Variants in NXN observed in about 807,000 individuals in gnomAD.
The protein encoded by NXN is nucleoredoxin 1.
A neutral mutation model predicts 48.6 loss-of-function variants in NXN; 16 were observed. The observed-to-expected ratio is 0.33, with a 90% confidence interval of 0.22 to 0.50. The LOEUF (loss-of-function observed/expected upper bound fraction) is 0.50. NXN is among the 20% of genes least tolerant of loss of function. The probability of loss-of-function intolerance (pLI) is 0.98; values close to 1 mark genes in which losing one functional copy is unlikely to be tolerated. For missense variants in NXN, 492 were observed against 605.5 expected, an observed-to-expected ratio of 0.81 and a Z score of 1.97; for synonymous variants, 281 against 269.6, an observed-to-expected ratio of 1.04 and a Z score of -0.41.
chr17:914,367 A>G (rs753556202), intron 1 of NXN, among the ~76,000 whole-genome samples: 58 of 140,222 alleles, frequency 4.1e-4, no homozygotes, highest in African/African-American at 5.5e-4. Context: ...ATAGGGTTTT[A>G]CCGTGTTGGC....
At chr17:829,316 G>A (rs372440395) in intron 1 of NXN, among the ~76,000 whole-genome samples, 1 of 151,474 alleles carries the variant, frequency 6.6e-6, no homozygotes, top group African/African-American at 2.4e-5. Context: ...CCACCTTGCC[G>A]GCTAATTTTT....
intron 5 of NXN, among the ~76,000 whole-genome samples, chr17:813,910 G>A (rs958857422): frequency 6.6e-6 from 1 of 151,146 alleles, no homozygotes; most frequent in Non-Finnish European, 1.5e-5. Context: ...AGGTTGCAGT[G>A]AGCCAAGATT....
intron 3 of NXN, among the ~76,000 whole-genome samples, chr17:823,292 T>C (rs55675223): frequency 2.3e-4 from 34 of 150,680 alleles, no homozygotes; most frequent in Admixed American, 9.3e-4. Flanking sequence ...CCAGCTACTC[T>C]GGAGGCTGAG....
At chr17:902,317 C>A (rs1047340176) in intron 1 of NXN, among the ~76,000 whole-genome samples, 2 of 152,214 alleles carry the variant, frequency 1.3e-5, no homozygotes, top group African/African-American at 4.8e-5. Flanking sequence ...TTTAACTTCC[C>A]GTGAGATCCA....
At chr17:812,143 G>T (rs533868051) in intron 5 of NXN, among the ~76,000 whole-genome samples, 24 of 149,958 alleles carry the variant, frequency 1.6e-4, no homozygotes, top group Non-Finnish European at 3.3e-4. Flanking sequence ...TAGCCAGGAC[G>T]GTCTCGATCT....
In NXN at chr17:810,523, C is replaced by G. The variant is rs543846682; in HGVS notation, c.821-5276G>C. ...TGGGATGACAAACACCAACCAATGC[C>G]CAGAATCTGTTCCTCGGATCCTTCC... On this transcript the variant is annotated intron_variant, in intron 5 of 7. Coordinates refer to ENST00000336868, the MANE Select transcript of NXN (RefSeq NM_022463.5). 2.0e-3 allele frequency among the ~76,000 whole-genome samples: 309 copies of G among 152,286 alleles called. 1 individual carries two copies. Among genetic ancestry groups the G allele is most frequent in the Non-Finnish European group, 3.9e-3 (263 of 68,018 alleles).
intron 1 of NXN, among the ~76,000 whole-genome samples, chr17:921,012 G>A (rs551236976): frequency 8.5e-5 from 13 of 152,198 alleles, no homozygotes; most frequent in South Asian, 6.2e-4. Context: ...GTGAGCCACC[G>A]TGCCCAGCCT....
intron 1 of NXN, among the ~76,000 whole-genome samples, chr17:879,651 T>C (rs374598356): frequency 1.3e-5 from 2 of 151,990 alleles, no homozygotes; most frequent in Non-Finnish European, 2.9e-5. Context: ...ACACGACTCA[T>C]TGACTGAGAA....
chr17:876,406 A>G (rs957652329), intron 1 of NXN, among the ~76,000 whole-genome samples: 1 of 152,192 alleles, frequency 6.6e-6, no homozygotes, highest in African/African-American at 2.4e-5. Context: ...CAAGGAAGTC[A>G]ACACAGGCTA....
At chr17:881,975 A>G (rs1173045808) in intron 1 of NXN, among the ~76,000 whole-genome samples, 1 of 152,082 alleles carries the variant, frequency 6.6e-6, no homozygotes, top group African/African-American at 2.4e-5. Context: ...TCAGCAGGGG[A>G]CTGTGCAGGG....
At chr17:924,122 C>CA (rs1170068818) in intron 1 of NXN, among the ~76,000 whole-genome samples, 1 of 151,596 alleles carries the variant, frequency 6.6e-6, no homozygotes. Context: ...GGCTGCCGTG[C>CA]AGTGGCACGA....
chr17:940,133 T>TGG lies in NXN; in HGVS notation c.360+39184_360+39185dup, dbSNP rs398119614. ...TGTATTTTTTTGGTAGAGATCGAGGTGGGGGGGTCTCAGTATGTTCCCCAG... is the reference window on the plus strand; with the variant it reads ...TGTATTTTTTTGGTAGAGATCGAGGTGGGGGGGGGTCTCAGTATGTTCCCCAG... On this transcript the variant is annotated intron_variant, in intron 1 of 7. Transcript: ENST00000336868. 4.4e-4 allele frequency among the ~76,000 whole-genome samples: 66 copies of TGG among 151,460 alleles called. No homozygotes were observed. In the Middle Eastern group the frequency reaches 0.014, roughly 32 times the overall value.
chr17:810,104 G>A (rs1355398918), intron 5 of NXN, among the ~76,000 whole-genome samples: 1 of 137,028 alleles, frequency 7.3e-6, no homozygotes, highest in Non-Finnish European at 1.6e-5. Context: ...TGAGTGGCGT[G>A]CACGTTACGA....
rs1466099931 is a variant in NXN, at chr17:862,695, C to A, written c.361-36617G>T. Among the ~76,000 whole-genome samples the A allele has an allele frequency of 3.9e-5, 6 of 152,352 alleles. No individual in the cohort carries two copies. The East Asian group carries it at 1.2e-3, about 29-fold the overall frequency. The stretch of plus-strand genomic sequence containing the variant: ...ACCTTTACAAAGTAGAGTGATCTGG[C>A]AGACATTAGCTCAACCAAATGTTTA... On this transcript the variant is annotated intron_variant, in intron 1 of 7. Transcript: ENST00000336868.
In NXN at chr17:873,493, C is replaced by CAAAAAAAAAA. The variant is rs71145783; in HGVS notation, c.361-47425_361-47416dup. On this transcript the variant is annotated intron_variant, in intron 1 of 7. Coordinates refer to ENST00000336868, the MANE Select transcript of NXN (RefSeq NM_022463.5). ...ACCTGGGAGACAGAGACACTGTCTC[C>CAAAAAAAAAA]AAAAAAAAAAAAAAAAAGGAGTCTC... Among the ~76,000 whole-genome samples the CAAAAAAAAAA allele has an allele frequency of 1.3e-3, 96 of 74,984 alleles. 3 individuals carry two copies. The highest frequency in any genetic ancestry group is 1.9e-3 in the African/African-American group (38 of 20,308). 49.2% of individuals were successfully genotyped at this position (74,984 alleles called of 152,430 possible).
chr17:850,924 G>A (rs150854147), intron 1 of NXN, among the ~76,000 whole-genome samples: 2 of 152,290 alleles, frequency 1.3e-5, no homozygotes, highest in African/African-American at 4.8e-5. Flanking sequence ...AGGCGGCAAC[G>A]AGACTTGACC....
Position 849,518 on chromosome 17 carries a change from C to CAA in NXN, c.361-23442_361-23441dup, listed in dbSNP as rs55751712. ...ACTGCACTCCATCCTGGACGACAGA[C>CAA]AAAAAAAAAAGATGGGAGCTTCCCA... On this transcript the variant is annotated intron_variant, in intron 1 of 7. Coordinates refer to ENST00000336868, the MANE Select transcript of NXN (RefSeq NM_022463.5). The surrounding 1 kb of genome is among the most constrained non-coding windows in gnomAD (Gnocchi z 4.2). Among the ~76,000 whole-genome samples the CAA allele has an allele frequency of 0.16, 24,284 of 147,578 alleles. 2,066 individuals carry two copies. Among genetic ancestry groups the CAA allele is most frequent in the Middle Eastern group, 0.31 (87 of 284 alleles).
intron 1 of NXN, among the ~76,000 whole-genome samples, chr17:946,883 G>A (rs539747642): frequency 3.3e-5 from 5 of 152,332 alleles, no homozygotes; most frequent in African/African-American, 1.2e-4. Context: ...CTGGCACGGG[G>A]AGGTTGCAGC....
At chr17:867,274 G>A (rs2068103994) in intron 1 of NXN, among the ~76,000 whole-genome samples, 1 of 56,362 alleles carries the variant, frequency 1.8e-5, no homozygotes, top group African/African-American at 8.1e-5. Flanking sequence ...CAAGTTCTCG[G>A]GGTTCTCCGG....
Sources: allele counts gnomAD v4.1 joint callset (sites outside exome capture counted in the v4.1 genomes callset), GRCh38; gene constraint gnomAD v4.1.1; non-coding constraint Gnocchi (gnomAD v3.1); transcripts MANE v1.5; gene names NCBI Gene and HGNC (gene_info 2026-07-23, HGNC 2026-07-21).